PCDH15: variants seen among roughly 807,000 people sequenced by gnomAD.
PCDH15 encodes protocadherin related 15.
A neutral mutation model predicts 178.5 loss-of-function variants in PCDH15; 129 were observed. The observed-to-expected ratio is 0.72, with a 90% CI of 0.63 to 0.84. The LOEUF is 0.84. PCDH15 is among the 40% of genes least tolerant of loss of function. The probability of loss-of-function intolerance (pLI) is 0.00; values close to 1 mark genes in which losing one functional copy is unlikely to be tolerated. For synonymous variants in PCDH15, 800 were observed against 732.0 expected, an observed-to-expected ratio of 1.09 and a Z score of -1.50; for missense variants, 2,230 against 2,099.9, an observed-to-expected ratio of 1.06 and a Z score of -1.21.
chr10:54,257,594 C>T (rs1046093615), intron 8 of PCDH15, among the ~76,000 whole-genome samples: 3 of 152,120 alleles, frequency 2.0e-5, no homozygotes, highest in African/African-American at 7.2e-5. Flanking sequence ...AAATCTGCTA[C>T]TGTGAGTACG....
intron 3 of PCDH15, among the ~76,000 whole-genome samples, chr10:54,521,999 A>T (rs1175279319): frequency 6.7e-6 from 1 of 149,700 alleles, no homozygotes; most frequent in Non-Finnish European, 1.5e-5. Context: ...GAGGCAGGAG[A>T]ATGGCGTGAA....
intron 2 of PCDH15, among the ~76,000 whole-genome samples, chr10:55,356,877 C>G (rs1463391607): frequency 6.6e-6 from 1 of 151,892 alleles, no homozygotes; most frequent in Non-Finnish European, 1.5e-5. Context: ...GTGCATTTAG[C>G]TATAGTTTTT....
intron 6 of PCDH15, among the ~76,000 whole-genome samples, chr10:54,333,274 T>C (rs1022881531): frequency 2.3e-4 from 35 of 152,108 alleles, no homozygotes; most frequent in Middle Eastern, 3.2e-3. Flanking sequence ...GCACTTGTAT[T>C]CTATAAAATA....
At chr10:54,925,254 A>T (rs750631054) in intron 2 of PCDH15, among the ~76,000 whole-genome samples, 7 of 152,140 alleles carry the variant, frequency 4.6e-5, no homozygotes, top group Non-Finnish European at 5.9e-5. Flanking sequence ...AGATTGTAGT[A>T]GGTGTGTGGC....
chr10:54,388,452 T>C lies in PCDH15; in HGVS notation c.158-9510A>G, dbSNP rs571678881. On this transcript the variant is annotated intron_variant, in intron 3 of 37. Coordinates refer to ENST00000644397, the MANE Select transcript of PCDH15 (RefSeq NM_001384140.1). ...AAGTTGCCCAGGCTCTGTTATGTCATGCCATCTCCTGCATAGCTATTCAGG... is the reference window on the plus strand; with the variant it reads ...AAGTTGCCCAGGCTCTGTTATGTCACGCCATCTCCTGCATAGCTATTCAGG... 3.9e-5 allele frequency among the ~76,000 whole-genome samples: 6 copies of C among 152,282 alleles called. No individual in the cohort carries two copies. In the East Asian group the frequency reaches 7.7e-4, roughly 20 times the overall value.
chr10:54,778,468 G>T (rs556056261), intron 1 of PCDH15, among the ~76,000 whole-genome samples: 1 of 152,262 alleles, frequency 6.6e-6, no homozygotes, highest in African/African-American at 2.4e-5. Flanking sequence ...CTATACAGAA[G>T]CACTATGGAA....
intron 2 of PCDH15, among the ~76,000 whole-genome samples, chr10:54,994,674 A>T (rs1839591245): frequency 6.6e-6 from 1 of 152,152 alleles, no homozygotes; most frequent in African/African-American, 2.4e-5. Flanking sequence ...GTGTATTTAT[A>T]AAACATATGT....
At position 54,232,924 on chromosome 10, in the gene PCDH15, C is replaced by CTT. The variant is rs762364718; in HGVS notation, c.985+3897_985+3898dup. Among the ~76,000 whole-genome samples, 21 of 109,194 alleles carry CTT rather than the reference C, an allele frequency of 1.9e-4. No individual in the cohort carries two copies. In the South Asian group the frequency reaches 2.6e-3, roughly 14 times the overall value. 71.6% of individuals were successfully genotyped at this position (109,194 alleles called of 152,430 possible). On this transcript the variant is annotated intron_variant, in intron 9 of 37. Coordinates refer to ENST00000644397, the MANE Select transcript of PCDH15 (RefSeq NM_001384140.1). ...TCTATTGTGTTGTTTAGCTTTCTTT[C>CTT]TTTTTTTTTTTTTTTTTTTTTAAAG...
Position 55,358,983 on chromosome 10 carries a change from G to A in PCDH15, c.-155-192332C>T, listed in dbSNP as rs1845150124. 2.0e-5 allele frequency among the ~76,000 whole-genome samples: 3 copies of A among 152,048 alleles called. No individual in the cohort carries two copies. The South Asian group carries it at 6.2e-4, about 32-fold the overall frequency. On this transcript the variant is annotated intron_variant, in intron 2 of 5. Coordinates refer to the PCDH15 transcript ENST00000613346. ...GAAATGGGAAGATCTTTCGAGGCCA[G>A]GACTTCAAGACCAGCCTGAGCAACA...
intron 19 of PCDH15, 149 bp downstream of exon 19, chr10:54,022,743 G>T: frequency 1.2e-6 from 1 of 810,148 alleles, no homozygotes; most frequent in Non-Finnish European, 2.0e-6. Flanking sequence ...ATGCAATATT[G>T]GAGAAATAAT....
At chr10:55,623,333 GT>G (rs1837448295) in intron 2 of PCDH15, among the ~76,000 whole-genome samples, 5 of 151,902 alleles carry the variant, frequency 3.3e-5, no homozygotes, top group Admixed American at 2.0e-4. Context: ...TTGTTGTTTT[GT>G]TTTTTCATTT....
At chr10:54,393,389 T>A (rs1950793419) in intron 3 of PCDH15, among the ~76,000 whole-genome samples, 1 of 152,206 alleles carries the variant, frequency 6.6e-6, no homozygotes, top group Admixed American at 6.5e-5. Context: ...TACCATTACA[T>A]TTTTAGCACT....
intron 1 of PCDH15, among the ~76,000 whole-genome samples, chr10:54,720,649 C>T (rs543542089): frequency 1.2e-3 from 181 of 152,092 alleles, no homozygotes; most frequent in Non-Finnish European, 1.8e-3. Context: ...ACTTTCAGTA[C>T]AACTTTCTTC....
At chr10:55,240,655 AAT>A (rs1291828349) in intron 1 of PCDH15, among the ~76,000 whole-genome samples, 4 of 152,158 alleles carry the variant, frequency 2.6e-5, no homozygotes, top group Non-Finnish European at 5.9e-5. Context: ...AACAGTTCAT[AAT>A]ATGTTTCTCT....
chr10:54,988,834 G>A (rs10160214), intron 2 of PCDH15, among the ~76,000 whole-genome samples: 49,716 of 152,030 alleles, frequency 0.33, 9,148 homozygotes, highest in African/African-American at 0.49. Flanking sequence ...GGAAATTTGC[G>A]TAAGTAACAA....
rs141587192 is a variant in PCDH15 at position 54,288,987 on chromosome 10, G to A, written c.876+28284C>T. ...AACTTCTGCAGACTTAAAAATCCCT[G>A]TCTGACGCTCTGAAGAGAGCAGTTG... is the stretch of plus-strand genomic sequence containing the variant. On this transcript the variant is annotated intron_variant, in intron 8 of 37. Coordinates refer to ENST00000644397, the MANE Select transcript of PCDH15 (RefSeq NM_001384140.1). Among the ~76,000 whole-genome samples the A allele has an allele frequency of 4.1e-3, 624 of 152,352 alleles. 7 individuals are homozygous for A. The highest frequency in any genetic ancestry group is 0.012 in the African/African-American group (513 of 41,584).
intron 3 of PCDH15, among the ~76,000 whole-genome samples, chr10:54,889,832 G>A (rs527353476): frequency 1.8e-4 from 28 of 151,554 alleles, no homozygotes; most frequent in Non-Finnish European, 2.7e-4. Context: ...TTTATTGTGC[G>A]AATAACCCTA....
intron 2 of PCDH15, among the ~76,000 whole-genome samples, chr10:55,409,737 T>C (rs760351377): frequency 1.1e-4 from 16 of 152,166 alleles, no homozygotes; most frequent in Admixed American, 3.3e-4. Context: ...GCTCTGTGTA[T>C]TTAGCAAAGT....
At chr10:55,327,888 C>A (rs979278392) in intron 2 of PCDH15, among the ~76,000 whole-genome samples, 1 of 151,938 alleles carries the variant, frequency 6.6e-6, no homozygotes, top group Non-Finnish European at 1.5e-5. Flanking sequence ...AGATAGTAAT[C>A]ACCCAAAGAC....
Sources: allele counts gnomAD v4.1 joint callset (sites outside exome capture counted in the v4.1 genomes callset), GRCh38; gene constraint gnomAD v4.1.1; transcripts MANE v1.5; gene names NCBI Gene and HGNC (gene_info 2026-07-23, HGNC 2026-07-21).